The following PPP2R2B variants were observed in gnomAD, a reference collection of about 807,000 sequenced individuals.
The protein encoded by PPP2R2B is protein phosphatase 2 regulatory subunit Bbeta, also known as serine/threonine-protein phosphatase 2A 55 kDa regulatory subunit B beta isoform.
PPP2R2B carries 5 observed loss-of-function variants against 46.0 expected under a neutral mutation model. That is an observed-to-expected ratio of 0.11 (90% CI 0.06 to 0.23). PPP2R2B has a LOEUF of 0.23. Ranked by LOEUF, PPP2R2B falls within the 10% of genes least tolerant of loss-of-function variation. PPP2R2B has a pLI of 1.00. For missense variants in PPP2R2B, 367 were observed against 575.0 expected (o/e 0.64, Z 3.70); for synonymous variants, 215 against 206.7 (o/e 1.04, Z -0.34).
intron 2 of PPP2R2B, among the ~76,000 whole-genome samples, chr5:146,864,396 C>CAAAAAAAAAAAAAAAA (rs34780019): frequency 6.4e-5 from 2 of 31,320 alleles, no homozygotes; most frequent in Admixed American, 3.5e-4. Flanking sequence ...TAGTATTAAC[C>CAAAAAAAAAAAAAAAA]AAAAAAAAAA....
Position 146,816,120 on chromosome 5 carries a change from T to C in PPP2R2B, c.70+61882A>G, listed in dbSNP as rs552989423. ...AGTGTAGTGGCACACACTTACAGTA[T>C]TATTAATAATAGTGGGCTCATGCCT... On this transcript the variant is annotated intron_variant, in intron 2 of 9. Transcript: ENST00000394411. Among the ~76,000 whole-genome samples, 12 of 152,276 alleles carry C rather than the reference T, an allele frequency of 7.9e-5. No homozygotes were observed. The South Asian group carries it at 2.5e-3, about 32-fold the overall frequency.
Position 146,706,775 on chromosome 5 carries a change from ATG to A in PPP2R2B, c.71-5635_71-5634del, listed in dbSNP as rs1191635426. On this transcript the variant is annotated intron_variant, in intron 2 of 9. Transcript: ENST00000394411. ...CAGCTCCTCATACTTGATCTGATAC[ATG>A]CTCTCGGCCTCAGCCCGACTGCGGT... 18 of 812,778 alleles carry A rather than the reference ATG, an allele frequency of 2.2e-5. No individual in the cohort carries two copies. The African/African-American group carries it at 2.8e-4, about 13-fold the overall frequency. 50.3% of individuals were successfully genotyped at this position (812,778 alleles called of 1,614,324 possible). A position where few individuals can be genotyped will look rare whatever the true frequency, so the allele number is the denominator to read the frequency against.
chr5:146,698,978 G>T (rs1489992147), intron 3 of PPP2R2B, among the ~76,000 whole-genome samples: 1 of 152,060 alleles, frequency 6.6e-6, no homozygotes, highest in African/African-American at 2.4e-5. Context: ...AAAAAAAACA[G>T]GATGTGAAAG....
chr5:146,696,325 C>G (rs188473442), intron 4 of PPP2R2B, among the ~76,000 whole-genome samples: 1 of 152,130 alleles, frequency 6.6e-6, no homozygotes, highest in African/African-American at 2.4e-5. Context: ...AGGATGGTCT[C>G]GATCTCCTGA....
At chr5:147,007,981 G>A (rs1754526279) in intron 1 of PPP2R2B, among the ~76,000 whole-genome samples, 2 of 152,188 alleles carry the variant, frequency 1.3e-5, no homozygotes, top group African/African-American at 2.4e-5. Context: ...TAAGGTTAAT[G>A]TAATGAAATG....
intron 1 of PPP2R2B, among the ~76,000 whole-genome samples, chr5:146,953,371 G>A (rs1375637510): frequency 6.6e-6 from 1 of 152,088 alleles, no homozygotes; most frequent in Non-Finnish European, 1.5e-5. Flanking sequence ...GGTATACGGG[G>A]TATAATTTTA....
chr5:146,821,410 C>G (rs934758318), intron 2 of PPP2R2B, among the ~76,000 whole-genome samples: 1 of 152,096 alleles, frequency 6.6e-6, no homozygotes, highest in Non-Finnish European at 1.5e-5. Context: ...AAGCATGAGC[C>G]CACCCTCCCA....
At chr5:146,918,326 C>T (rs1365371478) in intron 1 of PPP2R2B, 1 of 152,194 alleles carries the variant, frequency 6.6e-6, no homozygotes, top group African/African-American at 2.4e-5. Context: ...CCACCACAAA[C>T]TACCTAAGTT....
At chr5:146,889,157 A>G (rs1026184180) in intron 1 of PPP2R2B, among the ~76,000 whole-genome samples, 3 of 152,242 alleles carry the variant, frequency 2.0e-5, no homozygotes, top group Non-Finnish European at 2.9e-5. Flanking sequence ...GATGAATCAC[A>G]AGGGAAAATT....
chr5:147,042,486 G>A (rs1291057947), intron 1 of PPP2R2B, among the ~76,000 whole-genome samples: 2 of 152,108 alleles, frequency 1.3e-5, no homozygotes, highest in African/African-American at 4.8e-5. Flanking sequence ...GCCAAATACT[G>A]TAGATAATTC....
chr5:146,585,114 G>C lies in PPP2R2B; in HGVS notation c.*4833C>G, dbSNP rs910981650. The C allele has an allele frequency of 1.3e-5, 2 of 152,104 alleles. No individual in the cohort carries two copies. The highest frequency in any genetic ancestry group is 2.9e-5 in the Non-Finnish European group (2 of 68,018). The allele number at this position is 152,104 out of a possible 1,614,324, so 9.4% of individuals were successfully genotyped here. Reference sequence around the variant, plus strand: ...CATCTCTTGGAGGGCAGGGGCCAGTGGTTTAAATATCTTAGTAACTCCAGC... The same window carrying C: ...CATCTCTTGGAGGGCAGGGGCCAGTCGTTTAAATATCTTAGTAACTCCAGC... On this transcript the variant is annotated 3_prime_UTR_variant, in exon 10 of 10. Coordinates refer to ENST00000394411, the MANE Select transcript of PPP2R2B (RefSeq NM_181675.4).
intron 5 of PPP2R2B, among the ~76,000 whole-genome samples, chr5:146,680,508 C>T (rs1199618399): frequency 6.6e-6 from 1 of 151,552 alleles, no homozygotes; most frequent in Non-Finnish European, 1.5e-5. Context: ...GACTAACCTG[C>T]ACAATGTGCA....
intron 1 of PPP2R2B, among the ~76,000 whole-genome samples, chr5:146,904,911 T>G (rs1287487860): frequency 6.6e-6 from 1 of 152,170 alleles, no homozygotes; most frequent in Non-Finnish European, 1.5e-5. Context: ...ACATGTTTGC[T>G]AAGGAACTTA....
chr5:147,047,073 T>G (rs759958929), intron 1 of PPP2R2B, among the ~76,000 whole-genome samples: 12 of 152,068 alleles, frequency 7.9e-5, no homozygotes, highest in Non-Finnish European at 1.3e-4. Context: ...GGACATCACA[T>G]GTGAAGAGGA....
At chr5:146,805,689 G>T (rs1757134095) in intron 2 of PPP2R2B, among the ~76,000 whole-genome samples, 1 of 152,060 alleles carries the variant, frequency 6.6e-6, no homozygotes, top group Non-Finnish European at 1.5e-5. Context: ...AAAATGGAGT[G>T]GTTTAAAAGT....
rs79331363 is a variant in PPP2R2B, at chr5:146,981,176, C to A, written c.79+74489G>T. Among the ~76,000 whole-genome samples, 1,325 of 152,260 alleles carry A rather than the reference C, an allele frequency of 8.7e-3. 28 individuals are homozygous for A. Among genetic ancestry groups the A allele is most frequent in the African/African-American group, 0.029 (1,206 of 41,552 alleles). On this transcript the variant is annotated intron_variant, in intron 1 of 8. Coordinates refer to the PPP2R2B transcript ENST00000336640. ...TACCTGGCACATAGCAGGCACTCTA[C>A]AAATATTTGCTGAAGTAATGGATTC...
At chr5:146,789,258 C>A (rs1756039639) in intron 2 of PPP2R2B, among the ~76,000 whole-genome samples, 1 of 151,954 alleles carries the variant, frequency 6.6e-6, no homozygotes, top group African/African-American at 2.4e-5. Flanking sequence ...ACTTGGGGGG[C>A]AAATGGGTAA....
intron 2 of PPP2R2B, among the ~76,000 whole-genome samples, chr5:147,070,440 C>T (rs1904578): frequency 0.66 from 100,069 of 152,116 alleles, 33,344 homozygotes; most frequent in Middle Eastern, 0.75. Flanking sequence ...ACAATGTCCA[C>T]GTGCTTAATT....
chr5:146,840,273 C>G (rs139127086), intron 2 of PPP2R2B, among the ~76,000 whole-genome samples: 1 of 152,070 alleles, frequency 6.6e-6, no homozygotes, highest in Non-Finnish European at 1.5e-5. Flanking sequence ...GTGCCAGGCA[C>G]GTTGTCCTTA....
Sources: allele counts gnomAD v4.1 joint callset (sites outside exome capture counted in the v4.1 genomes callset), GRCh38; gene constraint gnomAD v4.1.1; transcripts MANE v1.5; gene names NCBI Gene and HGNC (gene_info 2026-07-23, HGNC 2026-07-21).